The following DOK6 variants were observed in gnomAD, a reference collection of about 807,000 sequenced individuals.
DOK6 encodes docking protein 6.
Under a neutral mutation model 44.0 loss-of-function variants are expected in DOK6, and 22 were observed. The ratio of observed to expected loss-of-function variants is 0.50; its 90% CI spans 0.36 to 0.71. DOK6 has a LOEUF of 0.71. Ranked by LOEUF, DOK6 falls within the 30% of genes least tolerant of loss-of-function variation. The pLI, the probability that DOK6 is intolerant of heterozygous loss-of-function variation, is 0.00. For missense variants in DOK6, 340 were observed against 416.4 expected, an observed-to-expected ratio of 0.82 and a Z score of 1.60; for synonymous variants, 166 against 145.5, an observed-to-expected ratio of 1.14 and a Z score of -1.01.
At chr18:69,648,673 C>T (rs1985145760) in intron 3 of DOK6, among the ~76,000 whole-genome samples, 1 of 152,206 alleles carries the variant, frequency 6.6e-6, no homozygotes, top group Non-Finnish European at 1.5e-5. Context: ...TTGCCCTGGA[C>T]TCAGCAGTTC....
At chr18:69,715,516 C>T (rs1335583834) in intron 5 of DOK6, among the ~76,000 whole-genome samples, 1 of 152,236 alleles carries the variant, frequency 6.6e-6, no homozygotes, top group Non-Finnish European at 1.5e-5. Context: ...TCAATCAGCT[C>T]TCGCGATCTC....
At chr18:69,524,766 A>G (rs1477365485) in intron 1 of DOK6, among the ~76,000 whole-genome samples, 2 of 151,952 alleles carry the variant, frequency 1.3e-5, no homozygotes, top group Admixed American at 6.6e-5. Context: ...CCTAATTTTT[A>G]AAACAAAGTA....
chr18:69,558,596 A>T (rs1036365262), intron 1 of DOK6, among the ~76,000 whole-genome samples: 37 of 152,122 alleles, frequency 2.4e-4, no homozygotes, highest in African/African-American at 7.2e-4. Context: ...ATTTGATGAG[A>T]TGTTTATTAG....
intron 1 of DOK6, among the ~76,000 whole-genome samples, chr18:69,458,591 G>A (rs545482059): frequency 2.0e-5 from 3 of 151,596 alleles, no homozygotes; most frequent in African/African-American, 7.3e-5. Context: ...ATGAAATGAA[G>A]TCAAACTATT....
At chr18:69,771,313 C>G (rs1175693984) in intron 7 of DOK6, among the ~76,000 whole-genome samples, 1 of 151,808 alleles carries the variant, frequency 6.6e-6, no homozygotes, top group African/African-American at 2.4e-5. Flanking sequence ...CACTTACTTG[C>G]TATGTTTTTG....
intron 3 of DOK6, among the ~76,000 whole-genome samples, chr18:69,666,342 G>A (rs554406407): frequency 1.3e-5 from 2 of 152,122 alleles, no homozygotes; most frequent in African/African-American, 4.8e-5. Flanking sequence ...TCTATCCAAC[G>A]CCCAGTTCAT....
At position 69,426,669 on chromosome 18, in the gene DOK6, G is replaced by T. The variant is rs150405868; in HGVS notation, c.66+25359G>T. ...AATACAGTGAAGTGATTTTAAAAGT[G>T]TCAGAAATGATTGTGTTAACAAACA... On this transcript the variant is annotated intron_variant, in intron 1 of 7. Coordinates refer to ENST00000382713, the MANE Select transcript of DOK6 (RefSeq NM_152721.6). Among the ~76,000 whole-genome samples the T allele has an allele frequency of 9.4e-3, 1,426 of 152,264 alleles. 25 individuals are homozygous for T. Among genetic ancestry groups the T allele is most frequent in the African/African-American group, 0.031 (1,303 of 41,550 alleles).
intron 1 of DOK6, among the ~76,000 whole-genome samples, chr18:69,487,870 C>T (rs1415141102): frequency 3.3e-5 from 5 of 152,166 alleles, no homozygotes; most frequent in Non-Finnish European, 7.3e-5. Flanking sequence ...AATGCTTTCA[C>T]AAAAACTCTT....
chr18:69,557,353 G>C (rs927549371), intron 1 of DOK6, among the ~76,000 whole-genome samples: 1 of 152,170 alleles, frequency 6.6e-6, no homozygotes, highest in Admixed American at 6.6e-5. Context: ...GGCAGAGCTT[G>C]TGAATGAGTC....
In DOK6 at chr18:69,841,401, T is replaced by A. The variant is rs750782550; in HGVS notation, c.*18T>A. On this transcript the variant is annotated 3_prime_UTR_variant, in exon 8 of 8. Transcript: ENST00000382713. ...TCCAATGACACACAGAGAGCCGCTG[T>A]TGACTAGAGAGACAGTCTGTCCTGG... 3.7e-6 allele frequency: 6 copies of A among 1,614,080 alleles called. No individual in the cohort carries two copies. In the South Asian group the frequency reaches 5.5e-5, roughly 15 times the overall value.
At chr18:69,806,372 T>C (rs573524870) in intron 7 of DOK6, among the ~76,000 whole-genome samples, 9 of 152,126 alleles carry the variant, frequency 5.9e-5, no homozygotes, top group African/African-American at 2.2e-4. Flanking sequence ...TTTTGGCACT[T>C]TCTAACTTTT....
chr18:69,613,858 G>A (rs572093196), intron 3 of DOK6, among the ~76,000 whole-genome samples: 1 of 151,414 alleles, frequency 6.6e-6, no homozygotes, highest in African/African-American at 2.4e-5. Flanking sequence ...AATGGAATAT[G>A]TATCAATTGA....
At chr18:69,680,809 G>A (rs989683895) in intron 4 of DOK6, among the ~76,000 whole-genome samples, 4 of 152,156 alleles carry the variant, frequency 2.6e-5, no homozygotes, top group African/African-American at 9.7e-5. Context: ...CCCAGTCCTT[G>A]GAGTAGGTAG....
At chr18:69,759,749 T>A (rs1307770734) in intron 7 of DOK6, among the ~76,000 whole-genome samples, 1 of 152,212 alleles carries the variant, frequency 6.6e-6, no homozygotes, top group Non-Finnish European at 1.5e-5. Context: ...ATTGAAATAC[T>A]CTCACTGATG....
intron 3 of DOK6, among the ~76,000 whole-genome samples, chr18:69,605,102 G>GTGTGTGTGTT (rs1784722994): frequency 1.4e-5 from 2 of 146,922 alleles, no homozygotes; most frequent in African/African-American, 4.9e-5. Flanking sequence ...GTGTGTGTGT[G>GTGTGTGTGTT]TGTGTGTGTG....
intron 7 of DOK6, among the ~76,000 whole-genome samples, chr18:69,822,790 T>G (rs997557178): frequency 1.3e-5 from 2 of 152,246 alleles, no homozygotes; most frequent in Non-Finnish European, 2.9e-5. Flanking sequence ...TCTGCATCTG[T>G]TTACATTTTT....
chr18:69,421,892 AC>A (rs1331551615), intron 1 of DOK6, among the ~76,000 whole-genome samples: 3 of 37,842 alleles, frequency 7.9e-5, no homozygotes, highest in African/African-American at 2.0e-4. Flanking sequence ...CACCTGGAGA[AC>A]TGGGCTTCCT....
At chr18:69,423,707 ACTT>A (rs542744275) in intron 1 of DOK6, among the ~76,000 whole-genome samples, 107 of 152,316 alleles carry the variant, frequency 7.0e-4, no homozygotes, top group Non-Finnish European at 1.3e-3. Context: ...TGAAATGAAA[ACTT>A]CTTTTGTCCT....
intron 1 of DOK6, among the ~76,000 whole-genome samples, chr18:69,514,021 T>A (rs541905458): frequency 3.9e-5 from 6 of 152,190 alleles, no homozygotes; most frequent in African/African-American, 1.4e-4. Flanking sequence ...ATTTTATATT[T>A]TAAAATATTA....
Sources: allele counts gnomAD v4.1 joint callset (sites outside exome capture counted in the v4.1 genomes callset), GRCh38; gene constraint gnomAD v4.1.1; transcripts MANE v1.5; gene names NCBI Gene and HGNC (gene_info 2026-07-23, HGNC 2026-07-21).